Variants in TUT7 observed in about 807,000 individuals in gnomAD.
The protein encoded by TUT7 is terminal uridylyltransferase 7.
A neutral mutation model predicts 165.9 loss-of-function variants in TUT7; 33 were observed. That is an observed-to-expected ratio of 0.20 (90% CI 0.15 to 0.27). TUT7 has a LOEUF of 0.27. Among genes scored for constraint, TUT7 ranks in the 10% least tolerant of loss-of-function variants. The pLI is 1.00. For missense variants in TUT7, 1,338 were observed against 1,762.3 expected (o/e 0.76, Z 4.31); for synonymous variants, 552 against 608.1 (o/e 0.91, Z 1.36).
rs560874641 is a variant in TUT7 at position 86,337,719 on chromosome 9, T to A, written c.1336-181A>T. On this transcript the variant is annotated intron_variant, in intron 9 of 26. Transcript: ENST00000375963. ...ATACTTTTGCAGCAACCACATATTGTGGTTTTAAGTGATAGTTTCAATTTT... is the reference window on the plus strand; with the variant it reads ...ATACTTTTGCAGCAACCACATATTGAGGTTTTAAGTGATAGTTTCAATTTT... Among the ~76,000 whole-genome samples, 64 of 152,360 alleles carry A rather than the reference T, an allele frequency of 4.2e-4. No individual in the cohort carries two copies. In the South Asian group the frequency reaches 0.013, roughly 32 times the overall value.
rs770162712 is a variant in TUT7, at chr9:86,323,087, T to A, written c.2663A>T (p.Asp888Val). The change falls in exon 13 of 27, where the codon GAT becomes GTT. Residue 888 changes from aspartate to valine, a missense_variant. Asp to Val is a radical substitution (Grantham distance 152, BLOSUM62 -3). Coordinates refer to ENST00000375963, the MANE Select transcript of TUT7 (RefSeq NM_024617.4). ...ATCCTCTTCAGATAGGGCGTCCTCA[T>A]CCCCTGACCCAGTGTAGGTGTTGTC... is the stretch of plus-strand genomic sequence containing the variant. ...ELDNTYTGSG[D>V]EDALSEEDDE... is the part of the protein sequence containing the mutation. 6.2e-7 allele frequency: 1 copy of A among 1,614,198 alleles called. No homozygotes were observed.
intron 26 of TUT7, among the ~76,000 whole-genome samples, chr9:86,296,483 G>A (rs1826330220): frequency 6.6e-6 from 1 of 152,192 alleles, no homozygotes; most frequent in Admixed American, 6.5e-5. Flanking sequence ...ACATTCATGG[G>A]ATTTTCTATC....
intron 17 of TUT7, among the ~76,000 whole-genome samples, chr9:86,312,204 T>C (rs559144274): frequency 1.8e-4 from 27 of 150,246 alleles, no homozygotes; most frequent in African/African-American, 6.6e-4. Context: ...CCATCCCATC[T>C]AGGAAGTGAG....
chr9:86,322,441 T>G lies in TUT7; in HGVS notation c.2912A>C (p.Glu971Ala), dbSNP rs778618241. 3.7e-6 allele frequency: 6 copies of G among 1,614,040 alleles called. No individual in the cohort carries two copies. The Admixed American group carries it at 1.0e-4, about 27-fold the overall frequency. ...PTVVCSLCKR[E>A]GHLKKDCPED... ...AGGACAGTCCTTCTTTAGATGACCC[T>G]CTCGTTTGCATAAGCTGCACACTAC... The change falls in exon 14 of 27, where the codon GAG becomes GCG. Residue 971 changes from glutamate (E) to alanine (A), a missense_variant. Around this residue, in one of 7 missense-constraint regions of TUT7, gnomAD observed 425 missense variants for 474.9 expected, o/e 0.89. Transcript: ENST00000375963.
intron 16 of TUT7, among the ~76,000 whole-genome samples, chr9:86,317,610 T>C (rs1304322808): frequency 6.6e-6 from 1 of 152,184 alleles, no homozygotes; most frequent in African/African-American, 2.4e-5. Context: ...CACTCGGATG[T>C]ACCCCATGTC....
At chr9:86,294,556 A>C (rs1826145862) in intron 26 of TUT7, among the ~76,000 whole-genome samples, 1 of 145,686 alleles carries the variant, frequency 6.9e-6, no homozygotes, top group African/African-American at 2.6e-5. Context: ...ATCATAAAGA[A>C]TATTGGGGTT....
rs1829488331 is a variant in TUT7 at position 86,323,280 on chromosome 9, C to T, written c.2470G>A (p.Glu824Lys). ...GESTEGTEEL[E>K]DSLNHFTHSV... ...TGGGTAAAGTGGTTTAGAGAGTCTT[C>T]TAGTTCCTCAGTACCTTCTGTACTT... is the stretch of plus-strand genomic sequence containing the variant. Residue 824 changes from glutamate (E) to lysine (K), a missense_variant, in exon 13 of 27, where the codon GAA (glutamate) becomes AAA (lysine). This residue lies in a region of TUT7 where 425 missense variants were observed against 474.9 expected (regional missense o/e 0.89). Transcript: ENST00000375963. 6.2e-7 allele frequency: 1 copy of T among 1,614,066 alleles called. No individual in the cohort carries two copies. The highest frequency in any genetic ancestry group is 1.3e-5 in the African/African-American group (1 of 74,944).
chr9:86,324,266 C>T (rs1039824086), intron 12 of TUT7: 1 of 176,156 alleles, frequency 5.7e-6, no homozygotes, highest in Non-Finnish European at 1.2e-5. Flanking sequence ...GCGTGGCTCT[C>T]AGGCCCTTGG....
intron 14 of TUT7, among the ~76,000 whole-genome samples, chr9:86,321,595 G>A (rs1420034179): frequency 2.6e-5 from 4 of 152,110 alleles, no homozygotes; most frequent in African/African-American, 4.8e-5. Flanking sequence ...TGGGTGTGGT[G>A]ATGCATGCCT....
Position 86,352,703 on chromosome 9 carries a change from G to A in TUT7, c.497C>T (p.Ser166Leu). 6.2e-7 allele frequency: 1 copy of A among 1,614,202 alleles called. No individual in the cohort carries two copies. The highest frequency in any genetic ancestry group is 1.1e-5 in the South Asian group (1 of 91,080). The change falls in exon 2 of 27, where the codon TCA (serine) becomes TTA (leucine). Residue 166 changes from serine to leucine, a missense_variant. Coordinates refer to ENST00000375963, the MANE Select transcript of TUT7 (RefSeq NM_024617.4). Reference sequence around the variant, plus strand: ...ACCAGGACTTCCTGCTTCCATTTCTGACGTGGTTTCTAGGCTTGTTAGGTC... The same window carrying A: ...ACCAGGACTTCCTGCTTCCATTTCTAACGTGGTTTCTAGGCTTGTTAGGTC... ...HKDLTSLETT[S>L]EMEAGSPENK...
intron 23 of TUT7, 84 bp from the exon 24 acceptor site, chr9:86,305,031 G>A: frequency 8.1e-7 from 1 of 1,231,432 alleles, no homozygotes; most frequent in Admixed American, 2.3e-5. Context: ...TGGGCCTGGT[G>A]GCGCCTGTTA....
At chr9:86,304,666 C>G (rs1291778727) in intron 24 of TUT7, among the ~76,000 whole-genome samples, 190 bp downstream of exon 24, 1 of 152,020 alleles carries the variant, frequency 6.6e-6, no homozygotes, top group Non-Finnish European at 1.5e-5. Flanking sequence ...TACTATTTCT[C>G]TCTATTCTGA....
rs1460447086 is a variant in TUT7 at position 86,311,830 on chromosome 9, C to T, written c.3275-1021G>A. Among the ~76,000 whole-genome samples the T allele has an allele frequency of 6.6e-6, 1 of 152,304 alleles. No individual in the cohort carries two copies. The highest frequency in any genetic ancestry group is 2.1e-4 in the South Asian group (1 of 4,828). On this transcript the variant is annotated intron_variant, in intron 17 of 26. Transcript: ENST00000375963. This position sits in a 1 kb window ranked among gnomAD's most constrained non-coding sequence, Gnocchi z 4.4. ...GGAGACGGGGTTTCGCTGTGTTGGC[C>T]GGGCTGGTCTCCAGCTCCTAACCAC...
chr9:86,345,167 A>G lies in TUT7; in HGVS notation c.820-13T>C. On this transcript the variant is annotated splice_polypyrimidine_tract_variant and intron_variant, in intron 4 of 26. Transcript: ENST00000375963. The stretch of plus-strand genomic sequence containing the variant: ...CCTCTTGCTTCTCCTTTTAAGATCA[A>G]ATGTTGAGATTAAAAATGACTTACA... 1 of 1,597,712 alleles carries G rather than the reference A, an allele frequency of 6.3e-7. No individual in the cohort carries two copies. Among genetic ancestry groups the G allele is most frequent in the Admixed American group, 1.8e-5 (1 of 56,654 alleles).
At chr9:86,288,830 T>C in intron 26 of TUT7, 86 bp from the exon 27 acceptor site, 1 of 1,060,462 alleles carries the variant, frequency 9.4e-7, no homozygotes, top group South Asian at 1.4e-5. Context: ...TCTTATTAAG[T>C]AGTCACAAAA....
intron 9 of TUT7, among the ~76,000 whole-genome samples, chr9:86,338,461 G>A (rs113435661): frequency 1.4e-4 from 22 of 151,872 alleles, no homozygotes; most frequent in African/African-American, 4.8e-4. Flanking sequence ...ATTTTTTGCC[G>A]TCTCTGTGTA....
At chr9:86,352,649 G>T in intron 2 of TUT7, 31 bp downstream of exon 2, 1 of 1,612,372 alleles carries the variant, frequency 6.2e-7, no homozygotes, top group Non-Finnish European at 8.5e-7. Context: ...CTGACTCTGG[G>T]GTTGTGATCT....
Position 86,353,203 on chromosome 9 carries a change from C to T in TUT7, c.-4G>A, listed in dbSNP as rs569132414. On this transcript the variant is annotated 5_prime_UTR_variant, in exon 2 of 27. Coordinates refer to ENST00000375963, the MANE Select transcript of TUT7 (RefSeq NM_024617.4). ...AAGGTTTTGCTGTATCTCCCATGGTCTTTGACTTCAATTTTCTTACTTTGC... is the reference window on the plus strand; with the variant it reads ...AAGGTTTTGCTGTATCTCCCATGGTTTTTGACTTCAATTTTCTTACTTTGC... The T allele has an allele frequency of 9.8e-5, 152 of 1,550,638 alleles. 3 individuals are homozygous for T. In the South Asian group the frequency reaches 1.8e-3, roughly 18 times the overall value.
chr9:86,297,921 C>CTTTTTTTTTTTTTTTTTTTTTTTTT, intron 26 of TUT7, among the ~76,000 whole-genome samples: 1 of 86,494 alleles, frequency 1.2e-5, no homozygotes, highest in Admixed American at 1.4e-4. Flanking sequence ...GCCTGCTCCA[C>CTTTTTTTTTTTTTTTTTTTTTTTTT]TTTTTTTTTT....
Sources: allele counts gnomAD v4.1 joint callset (sites outside exome capture counted in the v4.1 genomes callset), GRCh38; gene constraint gnomAD v4.1.1; regional missense constraint gnomAD v4.1.1; non-coding constraint Gnocchi (gnomAD v3.1); transcripts MANE v1.5; gene names NCBI Gene and HGNC (gene_info 2026-07-23, HGNC 2026-07-21).